Variants in TRAPPC3 observed in about 807,000 individuals in gnomAD.
TRAPPC3 encodes trafficking protein particle complex subunit 3.
Under a neutral mutation model 18.2 loss-of-function variants are expected in TRAPPC3, and 5 were observed. The observed-to-expected ratio is 0.28, with a 90% CI of 0.14 to 0.58. TRAPPC3 has a LOEUF of 0.58. Among genes scored for constraint, TRAPPC3 ranks in the 20% least tolerant of loss-of-function variants. TRAPPC3 has a pLI of 0.91. For missense variants in TRAPPC3, 176 were observed against 225.9 expected (o/e 0.78, Z 1.41); for synonymous variants, 65 against 84.2 (o/e 0.77, Z 1.25).
chr1:36,146,594 A>G (rs1333788676), intron 1 of TRAPPC3, among the ~76,000 whole-genome samples: 1 of 141,510 alleles, frequency 7.1e-6, no homozygotes, highest in African/African-American at 2.6e-5. Context: ...TACTTCATTA[A>G]AAAAAAAAAA....
chr1:36,145,686 A>G (rs6425966), intron 1 of TRAPPC3, among the ~76,000 whole-genome samples: 122,189 of 152,228 alleles, frequency 0.8, 49,503 homozygotes, highest in East Asian at 0.92. Flanking sequence ...ACTGTGTTCT[A>G]AGTGCACCGT....
At chr1:36,147,411 A>G (rs891361330) in intron 1 of TRAPPC3, among the ~76,000 whole-genome samples, 21 of 151,456 alleles carry the variant, frequency 1.4e-4, no homozygotes, top group African/African-American at 4.9e-4. Flanking sequence ...AGTTGGAGGG[A>G]CTGCTTGAGC....
At chr1:36,147,386 T>C (rs1406514940) in intron 1 of TRAPPC3, among the ~76,000 whole-genome samples, 1 of 151,342 alleles carries the variant, frequency 6.6e-6, no homozygotes, top group Non-Finnish European at 1.5e-5. Context: ...GCAATCCCAG[T>C]AATTTGTGAA....
intron 4 of TRAPPC3, 171 bp downstream of exon 4, chr1:36,137,625 T>C (rs930778997): frequency 3.1e-4 from 224 of 728,258 alleles, no homozygotes; most frequent in African/African-American, 1.8e-3. Flanking sequence ...TGGAGGAGTA[T>C]CACCATGTAA....
rs1307454861 is a variant in TRAPPC3, at chr1:36,149,382, G to A, written c.-4C>T. On this transcript the variant is annotated 5_prime_UTR_variant, in exon 1 of 5. Transcript: ENST00000373166. ...CACGGTTCGCCTGCCTCGACATGGT[G>A]CCGGCCGCCCCGCCCCACTCGCCTA... 2 of 1,612,678 alleles carry A rather than the reference G, an allele frequency of 1.2e-6. No individual in the cohort carries two copies. Among genetic ancestry groups the A allele is most frequent in the African/African-American group, 1.3e-5 (1 of 74,842 alleles).
At chr1:36,140,370 G>A (rs1644089611) in intron 1 of TRAPPC3, 1 of 434,840 alleles carries the variant, frequency 2.3e-6, no homozygotes, top group Admixed American at 4.0e-5. Flanking sequence ...TGCAAAATGG[G>A]CTGTAAAAGG....
In TRAPPC3 at chr1:36,140,109, A is replaced by T. The variant is rs369744066; in HGVS notation, c.100T>A (p.Tyr34Asn). The T allele has an allele frequency of 1.2e-5, 20 of 1,605,480 alleles. No homozygotes were observed. The highest frequency in any genetic ancestry group is 1.6e-5 in the Non-Finnish European group (19 of 1,177,516). ...TTATTCACATCTTCATCATTTTCAT[A>T]GTCCTTACATAGCTGGGTGACCAGG... ...GALVTQLCKD[Y>N]ENDEDVNKQL... The change falls in exon 2 of 5, where the codon TAT (tyrosine) becomes AAT (asparagine). Residue 34 changes from tyrosine (Y) to asparagine (N), a missense_variant. Tyr to Asn is a moderately radical substitution (Grantham distance 143). Coordinates refer to ENST00000373166, the MANE Select transcript of TRAPPC3 (RefSeq NM_014408.5).
chr1:36,140,431 G>A, intron 1 of TRAPPC3: 1 of 317,980 alleles, frequency 3.1e-6, no homozygotes, highest in Admixed American at 4.8e-5. Flanking sequence ...GTAGGCTTCT[G>A]CCAACCCAAG....
chr1:36,145,259 G>A (rs540658553), intron 1 of TRAPPC3, among the ~76,000 whole-genome samples: 4 of 151,460 alleles, frequency 2.6e-5, no homozygotes, highest in South Asian at 2.1e-4. Flanking sequence ...TCCATCTCCC[G>A]ACCCTGTGAT....
At chr1:36,143,636 C>T (rs1425674532) in intron 1 of TRAPPC3, among the ~76,000 whole-genome samples, 1 of 152,198 alleles carries the variant, frequency 6.6e-6, no homozygotes, top group Non-Finnish European at 1.5e-5. Flanking sequence ...AAACATGAAT[C>T]GCTTCTGCAA....
At chr1:36,150,788 G>A (rs1051183268), upstream of TRAPPC3, among the ~76,000 whole-genome samples, 29 of 152,268 alleles carry the variant, frequency 1.9e-4, no homozygotes, top group Admixed American at 1.8e-3. Flanking sequence ...GAAGGAACTT[G>A]AGGGTTGGTT....
At chr1:36,145,976 C>A (rs1477686642) in intron 1 of TRAPPC3, among the ~76,000 whole-genome samples, 1 of 151,194 alleles carries the variant, frequency 6.6e-6, no homozygotes, top group Non-Finnish European at 1.5e-5. Flanking sequence ...GACAGGGTTT[C>A]ACCGTGTTAG....
upstream of TRAPPC3, chr1:36,149,518 G>T (rs1056591062): frequency 6.2e-6 from 7 of 1,127,566 alleles, no homozygotes; most frequent in Non-Finnish European, 6.4e-6. Flanking sequence ...CTCCCGCGGG[G>T]CACCACGGGA....
intron 1 of TRAPPC3, among the ~76,000 whole-genome samples, chr1:36,141,796 A>G (rs1026285574): frequency 1.3e-5 from 2 of 152,008 alleles, no homozygotes; most frequent in Non-Finnish European, 2.9e-5. Context: ...CGTCTCTACT[A>G]AAAATACAAA....
chr1:36,139,926 C>G, intron 2 of TRAPPC3, 107 bp from the exon 3 acceptor site: 1 of 1,521,760 alleles, frequency 6.6e-7, no homozygotes, highest in Non-Finnish European at 8.9e-7. Context: ...CAAAAACATC[C>G]CAGTAAATGA....
chr1:36,149,580 A>C, upstream of TRAPPC3: 1 of 636,760 alleles, frequency 1.6e-6, no homozygotes. Context: ...GTCAGACTAC[A>C]ACACCCAACA....
At chr1:36,138,918 C>T (rs1245348681) in intron 3 of TRAPPC3, among the ~76,000 whole-genome samples, 1 of 151,434 alleles carries the variant, frequency 6.6e-6, no homozygotes, top group Non-Finnish European at 1.5e-5. Flanking sequence ...TGCCTGTAAT[C>T]GCAGCTACTC....
chr1:36,145,089 T>C (rs976487146), intron 1 of TRAPPC3, among the ~76,000 whole-genome samples: 2 of 152,140 alleles, frequency 1.3e-5, no homozygotes, highest in African/African-American at 2.4e-5. Context: ...TAGCGCAATC[T>C]TGGCTCACTG....
At chr1:36,151,340 T>G (rs7537052), upstream of TRAPPC3, among the ~76,000 whole-genome samples, 85,988 of 151,920 alleles carry the variant, frequency 0.57, 25,808 homozygotes, top group Non-Finnish European at 0.69. Context: ...CTGGGCAACA[T>G]AGTGAGACCC....
Sources: allele counts gnomAD v4.1 joint callset (sites outside exome capture counted in the v4.1 genomes callset), GRCh38; gene constraint gnomAD v4.1.1; transcripts MANE v1.5; gene names NCBI Gene and HGNC (gene_info 2026-07-23, HGNC 2026-07-21).